The following CENPE variants were observed in gnomAD, a reference collection of about 807,000 sequenced individuals.
The protein encoded by CENPE is centromere-associated protein E.
In CENPE, 145 loss-of-function variants were observed where a neutral mutation model predicts 336.1. The observed-to-expected ratio is 0.43, with a 90% CI of 0.38 to 0.50. The LOEUF is 0.50. Ranked by LOEUF, CENPE falls within the 20% of genes least tolerant of loss-of-function variation. The pLI is 0.00. For missense variants in CENPE, 2,719 were observed against 3,023.3 expected, an observed-to-expected ratio of 0.90 and a Z score of 2.36; for synonymous variants, 1,013 against 984.8, an observed-to-expected ratio of 1.03 and a Z score of -0.54.
chr4:103,116,649 A>G lies in CENPE; in HGVS notation c.7370T>C (p.Ile2457Thr), dbSNP rs200563504. 1.9e-6 allele frequency: 3 copies of G among 1,595,174 alleles called. No individual in the cohort carries two copies. Among genetic ancestry groups the G allele is most frequent in the East Asian group, 2.3e-5 (1 of 44,308 alleles). The change falls in exon 45 of 49, where the codon ATT (isoleucine) becomes ACT (threonine). Residue 2457 changes from isoleucine to threonine, a missense_variant. Ile to Thr is a moderately conservative substitution (Grantham distance 89). This residue lies in a region of CENPE where 2,437 missense variants were observed against 2,513.3 expected (regional missense o/e 0.97). Coordinates refer to ENST00000265148, the MANE Select transcript of CENPE (RefSeq NM_001813.3). ...ALGAKPYKEE[I>T]EDLKMKLVKI... is the part of the protein sequence containing the mutation. ...CACAAGCTTCATTTTGAGATCTTCA[A>G]TTTCTTCTTTATATGGCTTAGCTCC...
At position 103,147,355 on chromosome 4, in the gene CENPE, C is replaced by G. The variant is rs1269549897; in HGVS notation, c.4134+1G>C. 2.5e-6 allele frequency: 4 copies of G among 1,590,196 alleles called. No individual in the cohort carries two copies. Among genetic ancestry groups the G allele is most frequent in the Admixed American group, 3.6e-5 (2 of 55,030 alleles). On this transcript the variant is annotated splice_donor_variant, in intron 29 of 48. Coordinates refer to ENST00000265148, the MANE Select transcript of CENPE (RefSeq NM_001813.3). LOFTEE classifies it high-confidence loss of function. ...AAATGGGAGGAAAATACGAAACTTACTTTAGCCAAAGTTTCTCTAATATGT... is the reference window on the plus strand; with the variant it reads ...AAATGGGAGGAAAATACGAAACTTAGTTTAGCCAAAGTTTCTCTAATATGT...
rs56951110 is a variant in CENPE, at chr4:103,132,960, T to TTATATATATATATA, written c.6721-78_6721-65dup. On this transcript the variant is annotated intron_variant, in intron 41 of 48. Transcript: ENST00000265148. The stretch of plus-strand genomic sequence containing the variant: ...GAAAGTTTTGATCCAAATATTTTAT[T>TTATATATATATATA]TATATATATATATATATATATATAA... 6.4e-3 allele frequency: 954 copies of TTATATATATATATA among 148,120 alleles called. 25 individuals are homozygous for TTATATATATATATA. Among genetic ancestry groups the TTATATATATATATA allele is most frequent in the African/African-American group, 0.027 (761 of 27,706 alleles). The allele number at this position is 148,120 out of a possible 1,614,324, so 9.2% of individuals were successfully genotyped here. A position where few individuals can be genotyped will look rare whatever the true frequency, so the allele number is the denominator to read the frequency against.
intron 8 of CENPE, among the ~76,000 whole-genome samples, chr4:103,187,943 G>T (rs558375958): frequency 2.6e-5 from 4 of 152,200 alleles, no homozygotes; most frequent in South Asian, 2.1e-4. Flanking sequence ...TAAAGGGATG[G>T]AGGAAGATCT....
At chr4:103,190,347 C>G (rs1261495373) in intron 8 of CENPE, among the ~76,000 whole-genome samples, 1 of 152,122 alleles carries the variant, frequency 6.6e-6, no homozygotes, top group Non-Finnish European at 1.5e-5. Context: ...CAATCCTAAG[C>G]CAAAAGAGCA....
chr4:103,188,890 C>T (rs916035633), intron 8 of CENPE, among the ~76,000 whole-genome samples: 14 of 151,872 alleles, frequency 9.2e-5, no homozygotes, highest in African/African-American at 2.4e-4. Context: ...ATTGATAGAC[C>T]GCTAGCAAGA....
intron 48 of CENPE, among the ~76,000 whole-genome samples, chr4:103,107,539 G>A (rs1036375318): frequency 6.6e-6 from 1 of 152,194 alleles, no homozygotes; most frequent in South Asian, 2.1e-4. Flanking sequence ...CAGACACACT[G>A]TCACAAAGGG....
In CENPE at chr4:103,189,545, T is replaced by G. The variant is rs530192773; in HGVS notation, c.694-3684A>C. Among the ~76,000 whole-genome samples, 6 of 152,230 alleles carry G rather than the reference T, an allele frequency of 3.9e-5. No homozygotes were observed. In the East Asian group the frequency reaches 1.2e-3, roughly 29 times the overall value. ...AACAGAACCAAAGACAAAAACCACA[T>G]GATTATCTCAATAGATGCAGAAAAG... On this transcript the variant is annotated intron_variant, in intron 8 of 48. Transcript: ENST00000265148.
chr4:103,121,895 G>A (rs1308647343), intron 43 of CENPE, among the ~76,000 whole-genome samples: 1 of 151,820 alleles, frequency 6.6e-6, no homozygotes, highest in Non-Finnish European at 1.5e-5. Context: ...GAATGTTACT[G>A]TTATCATACA....
intron 44 of CENPE, 87 bp from the exon 45 acceptor site, chr4:103,116,776 T>C (rs896821847): frequency 2.5e-5 from 16 of 639,376 alleles, no homozygotes; most frequent in African/African-American, 2.1e-4. Flanking sequence ...GTCTTTGCTC[T>C]AATAAGGACA....
At chr4:103,197,301 C>T (rs1757816339) in intron 1 of CENPE, among the ~76,000 whole-genome samples, 1 of 152,202 alleles carries the variant, frequency 6.6e-6, no homozygotes, top group South Asian at 2.1e-4. Context: ...CTGGAATACT[C>T]TGACTTCCCT....
chr4:103,143,961 G>A (rs1188282183), intron 33 of CENPE, among the ~76,000 whole-genome samples: 1 of 151,726 alleles, frequency 6.6e-6, no homozygotes, highest in Non-Finnish European at 1.5e-5. Flanking sequence ...TTTTGAGATG[G>A]AGTCTTGCTC....
chr4:103,165,727 T>C (rs1754849938), intron 16 of CENPE, among the ~76,000 whole-genome samples: 2 of 152,138 alleles, frequency 1.3e-5, no homozygotes, highest in South Asian at 4.1e-4. Flanking sequence ...CTCACACCTG[T>C]AATCCTAGCA....
rs184521221 is a variant in CENPE at position 103,197,101 on chromosome 4, C to T, written c.57-251G>A. ...GTACTGGTAAACAAAGGGATGGATT[C>T]AAAATGCAACTCTGATTATGTCTGT... On this transcript the variant is annotated intron_variant, in intron 1 of 48. Transcript: ENST00000265148. 5.9e-5 allele frequency among the ~76,000 whole-genome samples: 9 copies of T among 152,288 alleles called. No individual in the cohort carries two copies. The East Asian group carries it at 1.7e-3, about 29-fold the overall frequency.
intron 40 of CENPE, among the ~76,000 whole-genome samples, chr4:103,135,876 A>T (rs1317834413): frequency 2.0e-5 from 3 of 152,200 alleles, no homozygotes; most frequent in Non-Finnish European, 4.4e-5. Flanking sequence ...ATACTTGTTT[A>T]TATGTCTGTC....
chr4:103,145,928 T>C lies in CENPE; in HGVS notation c.4314A>G (p.Lys1438=). 1.2e-6 allele frequency: 2 copies of C among 1,613,936 alleles called. No individual in the cohort carries two copies. Among genetic ancestry groups the C allele is most frequent in the South Asian group, 1.1e-5 (1 of 91,072 alleles). Reference sequence around the variant, plus strand: ...GGTCATCTTTCTCCTTAGCTACAGATTTCATTTCATCATGACTTTCTTGAA... The same window carrying C: ...GGTCATCTTTCTCCTTAGCTACAGACTTCATTTCATCATGACTTTCTTGAA... ...KRLQESHDEM[K]SVAKEKDDLQ... Residue 1438 remains lysine, a synonymous_variant, in exon 30 of 49, where the codon AAA becomes AAG. Transcript: ENST00000265148.
chr4:103,180,456 G>A lies in CENPE; in HGVS notation c.1097C>T (p.Thr366Met), dbSNP rs756221796. 1.9e-6 allele frequency: 3 copies of A among 1,609,422 alleles called. No individual in the cohort carries two copies. The highest frequency in any genetic ancestry group is 1.3e-5 in the African/African-American group (1 of 74,718). Residue 366 changes from threonine (T) to methionine (M), a missense_variant, in exon 13 of 49, where the codon ACG becomes ATG. This residue lies in a region of CENPE where 117 missense variants were observed against 215.8 expected (regional missense o/e 0.54). Coordinates refer to ENST00000265148, the MANE Select transcript of CENPE (RefSeq NM_001813.3). ...GTCTTTTTCCATTGCCTGAGCCCGCGTCTCTAAAGAAACCTATAGAATGCA... is the reference window on the plus strand; with the variant it reads ...GTCTTTTTCCATTGCCTGAGCCCGCATCTCTAAAGAAACCTATAGAATGCA... ...KKQLEEVSLE[T>M]RAQAMEKDQL... is the part of the protein sequence containing the mutation.
intron 16 of CENPE, among the ~76,000 whole-genome samples, chr4:103,166,534 C>T (rs1019019760): frequency 4.6e-5 from 7 of 152,048 alleles, no homozygotes; most frequent in Admixed American, 1.3e-4. Flanking sequence ...GAATATAGTA[C>T]CTATGAAATA....
chr4:103,157,921 C>A (rs956067040), intron 24 of CENPE, among the ~76,000 whole-genome samples: 1 of 151,746 alleles, frequency 6.6e-6, no homozygotes, highest in Non-Finnish European at 1.5e-5. Context: ...ACCAATATAT[C>A]TTAGAGGTGT....
At chr4:103,148,463 A>G (rs994460456) in intron 28 of CENPE, among the ~76,000 whole-genome samples, 1 of 152,046 alleles carries the variant, frequency 6.6e-6, no homozygotes, top group Non-Finnish European at 1.5e-5. Flanking sequence ...TAATGGGGGG[A>G]AAGAACAATG....
Sources: gnomAD v4.1 joint callset for allele counts (sites outside exome capture counted in the v4.1 genomes callset) on GRCh38, gnomAD v4.1.1 for gene constraint, gnomAD v4.1.1 regional missense constraint, MANE v1.5 for transcripts, NCBI Gene and HGNC (gene_info 2026-07-23, HGNC 2026-07-21) for gene names.